The following SAMSN1 variants were observed in gnomAD, a reference collection of about 807,000 sequenced individuals.
The protein encoded by SAMSN1 is SAM domain, SH3 domain and nuclear localization signals 1, also known as SAM domain-containing protein SAMSN-1.
SAMSN1 carries 31 observed loss-of-function variants against 42.0 expected under a neutral mutation model. The observed-to-expected ratio is 0.74, with a 90% CI of 0.55 to 1.00. The LOEUF is 1.00. Among genes scored for constraint, SAMSN1 ranks in the 50% least tolerant of loss-of-function variants. The pLI, the probability that SAMSN1 is intolerant of heterozygous loss-of-function variation, is 0.00. For missense variants in SAMSN1, 464 were observed against 439.4 expected, an observed-to-expected ratio of 1.06 and a Z score of -0.50; for synonymous variants, 178 against 151.9, an observed-to-expected ratio of 1.17 and a Z score of -1.26.
chr21:14,507,036 A>C (rs1212262512), intron 5 of SAMSN1, among the ~76,000 whole-genome samples: 1 of 152,216 alleles, frequency 6.6e-6, no homozygotes, highest in Non-Finnish European at 1.5e-5. Context: ...TACAAGCGAC[A>C]TACCTCAATA....
chr21:14,631,897 G>A (rs1203784214), intron 2 of SAMSN1, among the ~76,000 whole-genome samples: 1 of 151,988 alleles, frequency 6.6e-6, no homozygotes, highest in East Asian at 1.9e-4. Flanking sequence ...AAATCAATGT[G>A]TAGAAGAAGG....
At chr21:14,577,148 C>T (rs1454352942) in intron 2 of SAMSN1, among the ~76,000 whole-genome samples, 4 of 134,626 alleles carry the variant, frequency 3.0e-5, no homozygotes, top group Admixed American at 7.7e-5. Flanking sequence ...CTCCACCTCC[C>T]GGGTTCAAGT....
At chr21:14,640,475 T>C (rs939714992) in intron 2 of SAMSN1, among the ~76,000 whole-genome samples, 1 of 152,050 alleles carries the variant, frequency 6.6e-6, no homozygotes, top group African/African-American at 2.4e-5. Context: ...TGGAATAATA[T>C]TTTTTTCTGG....
At chr21:14,508,408 C>T (rs1987520907) in intron 5 of SAMSN1, among the ~76,000 whole-genome samples, 1 of 151,928 alleles carries the variant, frequency 6.6e-6, no homozygotes, top group African/African-American at 2.4e-5. Context: ...CATGAATAGA[C>T]AATTCTCAAA....
At chr21:14,649,722 A>G (rs568823001) in intron 1 of SAMSN1, among the ~76,000 whole-genome samples, 28 of 151,828 alleles carry the variant, frequency 1.8e-4, no homozygotes, top group African/African-American at 6.8e-4. Context: ...GTGAGCCAAG[A>G]TCATACCACT....
At chr21:14,489,755 C>T (rs2822700) in intron 7 of SAMSN1, among the ~76,000 whole-genome samples, 13,593 of 151,936 alleles carry the variant, frequency 0.089, 707 homozygotes, top group South Asian at 0.15. Flanking sequence ...TAATTTATTT[C>T]CTACCAAAAT....
intron 5 of SAMSN1, among the ~76,000 whole-genome samples, chr21:14,501,992 A>C (rs1334997703): frequency 6.6e-6 from 1 of 152,202 alleles, no homozygotes; most frequent in African/African-American, 2.4e-5. Flanking sequence ...TATGTTCAAG[A>C]GTTATAGTTC....
chr21:14,557,303 C>G, intron 2 of SAMSN1, among the ~76,000 whole-genome samples: 1 of 152,192 alleles, frequency 6.6e-6, no homozygotes, highest in Non-Finnish European at 1.5e-5. Context: ...AACATTTCCT[C>G]ATGAGATTAT....
chr21:14,585,286 A>G (rs1981884306), upstream of SAMSN1: 1 of 152,200 alleles, frequency 6.6e-6, no homozygotes, highest in Non-Finnish European at 1.5e-5. Context: ...AGACCCTTTC[A>G]GAAATAATAA....
chr21:14,510,498 C>G (rs762103618), intron 4 of SAMSN1, 37 bp from the exon 5 acceptor site: 1 of 1,610,914 alleles, frequency 6.2e-7, no homozygotes, highest in East Asian at 2.2e-5. Context: ...TCATGGAAGA[C>G]TTATAACATT....
At chr21:14,562,010 C>T (rs1326227501) in intron 2 of SAMSN1, among the ~76,000 whole-genome samples, 1 of 152,230 alleles carries the variant, frequency 6.6e-6, no homozygotes, top group African/African-American at 2.4e-5. Flanking sequence ...AGAACTGAGA[C>T]AATAATATCT....
At chr21:14,515,724 T>C (rs1220026475) in intron 3 of SAMSN1, among the ~76,000 whole-genome samples, 2 of 152,144 alleles carry the variant, frequency 1.3e-5, no homozygotes, top group Non-Finnish European at 1.5e-5. Flanking sequence ...GGAGAAAATA[T>C]ATTATATTGC....
Position 14,510,535 on chromosome 21 carries a change from G to C in SAMSN1, c.410-74C>G, listed in dbSNP as rs59323940. 14,267 of 1,528,638 alleles carry C rather than the reference G, an allele frequency of 9.3e-3. 1,087 individuals are homozygous for C. In the African/African-American group the frequency reaches 0.17, roughly 18 times the overall value. 94.7% of individuals were successfully genotyped at this position (1,528,638 alleles called of 1,614,324 possible). On this transcript the variant is annotated intron_variant, in intron 4 of 7. Coordinates refer to ENST00000400566, the MANE Select transcript of SAMSN1 (RefSeq NM_022136.5). Reference sequence around the variant, plus strand: ...TGAATCATCATCTGGACACAACTAAGTATTGATAATGCTGGAACACTGGAT... The same window carrying C: ...TGAATCATCATCTGGACACAACTAACTATTGATAATGCTGGAACACTGGAT...
At chr21:14,614,857 A>T (rs1017807879) in intron 3 of SAMSN1, among the ~76,000 whole-genome samples, 1 of 152,158 alleles carries the variant, frequency 6.6e-6, no homozygotes, top group African/African-American at 2.4e-5. Flanking sequence ...GGAGTCTTCA[A>T]TTTTATTTTA....
At chr21:14,630,027 C>T (rs1983289082) in intron 2 of SAMSN1, among the ~76,000 whole-genome samples, 1 of 152,158 alleles carries the variant, frequency 6.6e-6, no homozygotes, top group South Asian at 2.1e-4. Flanking sequence ...CTTTAATCTT[C>T]ATAGCCACAA....
At chr21:14,616,693 T>G (rs1356674389) in intron 2 of SAMSN1, among the ~76,000 whole-genome samples, 1 of 152,170 alleles carries the variant, frequency 6.6e-6, no homozygotes, top group South Asian at 2.1e-4. Flanking sequence ...TAAAAAACAT[T>G]TACTGAATAT....
At chr21:14,552,245 T>C (rs1215057284) in intron 2 of SAMSN1, among the ~76,000 whole-genome samples, 1 of 152,076 alleles carries the variant, frequency 6.6e-6, no homozygotes, top group Non-Finnish European at 1.5e-5. Flanking sequence ...ATTTTATGCT[T>C]ACAAAAATGG....
intron 5 of SAMSN1, among the ~76,000 whole-genome samples, chr21:14,507,084 A>G (rs908535053): frequency 6.6e-6 from 1 of 152,182 alleles, no homozygotes; most frequent in African/African-American, 2.4e-5. Context: ...CAGTCAACAT[A>G]ATGCTGAATG....
intron 2 of SAMSN1, among the ~76,000 whole-genome samples, chr21:14,573,228 G>A (rs150168777): frequency 2.0e-5 from 3 of 152,240 alleles, no homozygotes; most frequent in Non-Finnish European, 4.4e-5. Flanking sequence ...CACAGACCCT[G>A]ATCTTCTGCT....
Sources: gnomAD v4.1 joint callset for allele counts (sites outside exome capture counted in the v4.1 genomes callset) on GRCh38, gnomAD v4.1.1 for gene constraint, MANE v1.5 for transcripts, NCBI Gene and HGNC (gene_info 2026-07-23, HGNC 2026-07-21) for gene names.